The following SP7 variants were observed in gnomAD, a reference collection of about 807,000 sequenced individuals.
SP7 encodes Sp7 transcription factor.
A neutral mutation model predicts 27.9 loss-of-function variants in SP7; 13 were observed. The observed-to-expected ratio is 0.47, with a 90% confidence interval of 0.30 to 0.74. The LOEUF (loss-of-function observed/expected upper bound fraction) is 0.74. SP7 is among the 30% of genes least tolerant of loss of function. The pLI is 0.06. For missense variants in SP7, 525 were observed against 558.0 expected (o/e 0.94, Z 0.60); for synonymous variants, 219 against 226.7 (o/e 0.97, Z 0.31).
chr12:53,326,721 G>A lies in SP7; in HGVS notation c.*1425C>T, dbSNP rs951330488. The A allele has an allele frequency of 6.6e-6, 1 of 152,510 alleles. No homozygotes were observed. The highest frequency in any genetic ancestry group is 1.5e-5 in the Non-Finnish European group (1 of 68,040). The allele number at this position is 152,510 out of a possible 1,614,324, so 9.4% of individuals were successfully genotyped here. ...CTTGAGACAGCAGGGGACAGAAAAG[G>A]AGGATCCAACGTTACAGGAAAGGCA... On this transcript the variant is annotated 3_prime_UTR_variant, in exon 3 of 3. Transcript: ENST00000536324.
rs192287803 is a variant in SP7 at position 53,333,613 on chromosome 12, G to A, written c.21+2013C>T. Among the ~76,000 whole-genome samples, 185 of 152,216 alleles carry A rather than the reference G, an allele frequency of 1.2e-3. 1 individual carries two copies. The Middle Eastern group carries it at 0.027, about 22-fold the overall frequency. Reference sequence around the variant, plus strand: ...TCTCAGCCTTCTCCCAAGTTTCTTCGTTTTCCCAGCTTCCCAATTCTCCTT... The same window carrying A: ...TCTCAGCCTTCTCCCAAGTTTCTTCATTTTCCCAGCTTCCCAATTCTCCTT... On this transcript the variant is annotated intron_variant, in intron 2 of 2. Coordinates refer to ENST00000536324, the MANE Select transcript of SP7 (RefSeq NM_001173467.3).
chr12:53,330,565 G>A (rs750409618), intron 2 of SP7, among the ~76,000 whole-genome samples: 1 of 152,216 alleles, frequency 6.6e-6, no homozygotes, highest in South Asian at 2.1e-4. Context: ...CAGCAGCTAG[G>A]TGAAGTGAGA....
At chr12:53,332,726 T>G (rs1944719990) in intron 2 of SP7, among the ~76,000 whole-genome samples, 2 of 144,808 alleles carry the variant, frequency 1.4e-5, no homozygotes, top group African/African-American at 2.6e-5. Context: ...AAGAAAGGAG[T>G]GGAAAAAAGA....
chr12:53,329,466 A>C (rs1468848862), intron 2 of SP7, 46 bp from the exon 3 acceptor site: 1 of 1,564,924 alleles, frequency 6.4e-7, no homozygotes. Context: ...GAGGAGAGGT[A>C]CAAAATGAAG....
At chr12:53,331,601 G>A (rs74090750) in intron 2 of SP7, among the ~76,000 whole-genome samples, 3,046 of 152,200 alleles carry the variant, frequency 0.02, 98 homozygotes, top group African/African-American at 0.069. Flanking sequence ...CTCTCCCTGG[G>A]TGAGGCATCC....
intron 2 of SP7, among the ~76,000 whole-genome samples, chr12:53,334,594 G>C (rs1276811929): frequency 1.3e-5 from 2 of 152,216 alleles, no homozygotes; most frequent in Non-Finnish European, 2.9e-5. Flanking sequence ...GGCTACTGAA[G>C]GGGACTGACT....
intron 2 of SP7, among the ~76,000 whole-genome samples, chr12:53,331,469 TC>T (rs1944704093): frequency 9.0e-5 from 1 of 11,102 alleles, no homozygotes; most frequent in African/African-American, 1.6e-4. Flanking sequence ...AGACTCCATC[TC>T]AAAAAAAAAA....
chr12:53,336,073 G>GA, intron 1 of SP7, 73 bp downstream of exon 1: 1 of 195,946 alleles, frequency 5.1e-6, no homozygotes, highest in Admixed American at 5.3e-5. Context: ...GGTGGACCCC[G>GA]GTGTCCTACA....
chr12:53,335,573 C>T, intron 2 of SP7, 53 bp downstream of exon 2: 1 of 934,236 alleles, frequency 1.1e-6, no homozygotes, highest in South Asian at 1.4e-5. Flanking sequence ...TGGGCAAGGA[C>T]TAGGACCATT....
upstream of SP7, among the ~76,000 whole-genome samples, chr12:53,338,106 C>CAGAGGAGGA (rs767126357): frequency 3.7e-5 from 5 of 136,226 alleles, no homozygotes; most frequent in African/African-American, 5.5e-5. Flanking sequence ...TAGCCAGGTC[C>CAGAGGAGGA]GGAGGAGGAG....
chr12:53,328,439 A>C lies in SP7; in HGVS notation c.1003T>G (p.Phe335Val), dbSNP rs778277737. The C allele has an allele frequency of 6.2e-7, 1 of 1,613,522 alleles. No individual in the cohort carries two copies. Among genetic ancestry groups the C allele is most frequent in the Non-Finnish European group, 8.5e-7 (1 of 1,179,768 alleles). The change falls in exon 3 of 3, where the codon TTC becomes GTC. Residue 335 changes from phenylalanine (F) to valine (V), a missense_variant. Coordinates refer to ENST00000536324, the MANE Select transcript of SP7 (RefSeq NM_001173467.3). This position sits in a 1 kb window ranked among gnomAD's most constrained non-coding sequence, Gnocchi z 5.1. ...VCNWLFCGKR[F>V]TRSDELERHV... ...CGCTCCAGCTCATCCGAACGAGTGAACCTCTTGCCGCAGAAGAGCCAGTTG... is the reference window on the plus strand; with the variant it reads ...CGCTCCAGCTCATCCGAACGAGTGACCCTCTTGCCGCAGAAGAGCCAGTTG...
rs926415369 is a variant in SP7 at position 53,343,770 on chromosome 12, G to A, written c.-34+1344C>T. 3.3e-5 allele frequency among the ~76,000 whole-genome samples: 5 copies of A among 152,224 alleles called. No homozygotes were observed. The East Asian group carries it at 9.7e-4, about 29-fold the overall frequency. ...GAGAGGATGAGCAGAAGTCAGTGGA[G>A]GGGGCCAGCACGGTGGCACATACCA... On this transcript the variant is annotated intron_variant, in intron 1 of 1. Coordinates refer to the SP7 transcript ENST00000547755.
Position 53,328,740 on chromosome 12 carries a change from C to T in SP7, c.702G>A (p.Val234=), listed in dbSNP as rs201404863. Residue 234 remains valine (V), a synonymous_variant, in exon 3 of 3, where the codon GTG becomes GTA. Coordinates refer to ENST00000536324, the MANE Select transcript of SP7 (RefSeq NM_001173467.3). This position sits in a 1 kb window ranked among gnomAD's most constrained non-coding sequence, Gnocchi z 5.1. The part of the protein sequence containing the change: ...LPQDVYKPKA[V]GNSGQLEGSG... ...TCCCTTCTAGCTGCCCACTATTTCC[C>T]ACTGCCTTGGGTTTATAGACATCTT... The T allele has an allele frequency of 1.2e-6, 2 of 1,606,854 alleles. No individual in the cohort carries two copies. Among genetic ancestry groups the T allele is most frequent in the Non-Finnish European group, 1.7e-6 (2 of 1,174,738 alleles).
At chr12:53,341,168 C>G (rs1944819069), upstream of SP7, among the ~76,000 whole-genome samples, 1 of 152,218 alleles carries the variant, frequency 6.6e-6, no homozygotes, top group African/African-American at 2.4e-5. Flanking sequence ...CAACTTCCCT[C>G]CCTCTCTGCT....
chr12:53,335,739 G>T, intron 1 of SP7, 46 bp from the exon 2 acceptor site: 1 of 1,337,372 alleles, frequency 7.5e-7, no homozygotes, highest in South Asian at 1.4e-5. Context: ...GGGAGAGGGA[G>T]GGAGAATGGG....
intron 2 of SP7, among the ~76,000 whole-genome samples, chr12:53,335,295 C>T (rs1444843682): frequency 2.7e-5 from 4 of 150,484 alleles, no homozygotes; most frequent in Non-Finnish European, 5.9e-5. Context: ...CTCCCCCTCG[C>T]CCCCCTCCCC....
At position 53,327,202 on chromosome 12, in the gene SP7, G is replaced by C. The variant is rs1485553666; in HGVS notation, c.*944C>G. Reference sequence around the variant, plus strand: ...CCTCCATAGGACTTGAGGTTTCACAGCTTCTGGCTGGGGCTGGGGATATTA... The same window carrying C: ...CCTCCATAGGACTTGAGGTTTCACACCTTCTGGCTGGGGCTGGGGATATTA... On this transcript the variant is annotated 3_prime_UTR_variant, in exon 3 of 3. Transcript: ENST00000536324. 1.3e-5 allele frequency: 2 copies of C among 152,638 alleles called. No homozygotes were observed. The highest frequency in any genetic ancestry group is 2.9e-5 in the Non-Finnish European group (2 of 68,056). The allele number at this position is 152,638 out of a possible 1,614,324, so 9.5% of individuals were successfully genotyped here. A position where few individuals can be genotyped will look rare whatever the true frequency, so the allele number is the denominator to read the frequency against.
Position 53,328,862 on chromosome 12 carries a change from G to A in SP7, c.580C>T (p.Gln194Ter). Residue 194 changes from glutamine to a stop codon, truncating the protein, a stop_gained, in exon 3 of 3, where the codon CAG becomes TAG. Transcript: ENST00000536324. LOFTEE classifies it high-confidence loss of function. The surrounding 1 kb of genome is among the most constrained non-coding windows in gnomAD (Gnocchi z 5.1). The part of the protein sequence containing the change: ...TGPAQPPLNP[Q>*]LPTYPSDFAP... ...AAGTCAGATGGGTAGGTGGGCAGCT[G>A]GGGGTTCAGTGGAGGCTGAGCTGGA... is the stretch of plus-strand genomic sequence containing the variant. 6.2e-7 allele frequency: 1 copy of A among 1,605,220 alleles called. No individual in the cohort carries two copies. Among genetic ancestry groups the A allele is most frequent in the Non-Finnish European group, 8.5e-7 (1 of 1,173,362 alleles).
rs1351365647 is a variant in SP7, at chr12:53,328,413, A to G, written c.1029T>C (p.Arg343=). Residue 343 remains arginine, a synonymous_variant, in exon 3 of 3, where the codon CGT becomes CGC. Transcript: ENST00000536324. The surrounding 1 kb of genome is among the most constrained non-coding windows in gnomAD (Gnocchi z 5.1). The part of the protein sequence containing the change: ...KRFTRSDELE[R]HVRTHTREKK... ...TCTCCCGGGTGTGAGTGCGCACATG[A>G]CGCTCCAGCTCATCCGAACGAGTGA... 5 of 1,613,744 alleles carry G rather than the reference A, an allele frequency of 3.1e-6. No homozygotes were observed. The Admixed American group carries it at 8.3e-5, about 27-fold the overall frequency.
Sources: allele counts gnomAD v4.1 joint callset (sites outside exome capture counted in the v4.1 genomes callset), GRCh38; gene constraint gnomAD v4.1.1; non-coding constraint Gnocchi (gnomAD v3.1); transcripts MANE v1.5; gene names NCBI Gene and HGNC (gene_info 2026-07-23, HGNC 2026-07-21).